Variants in NRG3 observed in about 807,000 individuals in gnomAD.
The protein encoded by NRG3 is pro-neuregulin-3, membrane-bound isoform.
A neutral mutation model predicts 66.9 loss-of-function variants in NRG3; 31 were observed. The ratio of observed to expected loss-of-function variants is 0.46; its 90% CI spans 0.35 to 0.63. NRG3 has a LOEUF of 0.63. Ranked by LOEUF, NRG3 falls within the 20% of genes least tolerant of loss-of-function variation. The pLI, the probability that NRG3 is intolerant of heterozygous loss-of-function variation, is 0.00. For synonymous variants in NRG3, 393 were observed against 359.4 expected, an observed-to-expected ratio of 1.09 and a Z score of -1.06; for missense variants, 910 against 878.9, an observed-to-expected ratio of 1.04 and a Z score of -0.45.
chr10:81,987,068 G>T (rs989331652), intron 1 of NRG3, among the ~76,000 whole-genome samples: 5 of 140,734 alleles, frequency 3.6e-5, no homozygotes, highest in African/African-American at 1.4e-4. Flanking sequence ...AGATGCCATA[G>T]TGTGTGTGTG....
chr10:82,478,075 A>G (rs897700207), intron 2 of NRG3, among the ~76,000 whole-genome samples: 4 of 152,178 alleles, frequency 2.6e-5, no homozygotes, highest in Non-Finnish European at 5.9e-5. Flanking sequence ...TAATAACATG[A>G]ATCCTAAAAT....
At chr10:82,489,865 A>G (rs1001832885) in intron 2 of NRG3, among the ~76,000 whole-genome samples, 4 of 152,176 alleles carry the variant, frequency 2.6e-5, no homozygotes, top group South Asian at 2.1e-4. Context: ...TACAGCTACT[A>G]AGCAAGATAC....
chr10:82,573,840 G>C (rs2790712), intron 2 of NRG3, among the ~76,000 whole-genome samples: 1 of 151,682 alleles, frequency 6.6e-6, no homozygotes, highest in Non-Finnish European at 1.5e-5. Context: ...GGAGAAACTG[G>C]AAGAGACCTC....
intron 2 of NRG3, among the ~76,000 whole-genome samples, chr10:82,656,502 A>C (rs2051876244): frequency 6.6e-6 from 1 of 152,142 alleles, no homozygotes; most frequent in South Asian, 2.1e-4. Flanking sequence ...GAAACTTTAT[A>C]GGGTCATTTT....
intron 1 of NRG3, among the ~76,000 whole-genome samples, chr10:81,926,009 C>T (rs1358056283): frequency 6.6e-6 from 1 of 151,968 alleles, no homozygotes; most frequent in Non-Finnish European, 1.5e-5. Flanking sequence ...AAAAATTGGC[C>T]GTGGCATAGA....
intron 1 of NRG3, among the ~76,000 whole-genome samples, chr10:82,019,430 A>G: frequency 6.6e-6 from 1 of 152,114 alleles, no homozygotes; most frequent in South Asian, 2.1e-4. Context: ...AGGCTTTGGT[A>G]TCAGGATGAT....
intron 2 of NRG3, among the ~76,000 whole-genome samples, chr10:82,362,169 A>G (rs1307816382): frequency 3.3e-5 from 5 of 149,666 alleles, no homozygotes; most frequent in Admixed American, 2.0e-4. Context: ...TTGTTTCTTC[A>G]TAATTTTCTT....
At chr10:82,174,659 G>GT (rs2072889419) in intron 1 of NRG3, among the ~76,000 whole-genome samples, 1 of 151,872 alleles carries the variant, frequency 6.6e-6, no homozygotes. Flanking sequence ...CAATATATCA[G>GT]TTCTCCCCAA....
intron 1 of NRG3, among the ~76,000 whole-genome samples, chr10:82,245,190 A>C (rs2077181063): frequency 6.6e-6 from 1 of 152,168 alleles, no homozygotes; most frequent in Admixed American, 6.6e-5. Flanking sequence ...AGGCAGTGAC[A>C]GATTATGAGG....
At chr10:82,347,350 G>T (rs1476580727) in intron 1 of NRG3, among the ~76,000 whole-genome samples, 3 of 151,976 alleles carry the variant, frequency 2.0e-5, no homozygotes, top group African/African-American at 7.3e-5. Flanking sequence ...GGAGCAGGTT[G>T]TTCAGTTTCC....
chr10:82,796,714 A>G (rs1206112224), intron 3 of NRG3, among the ~76,000 whole-genome samples: 1 of 152,188 alleles, frequency 6.6e-6, no homozygotes, highest in East Asian at 1.9e-4. Context: ...ATAATGCTAG[A>G]AAACTATCCT....
chr10:82,722,906 A>G (rs1183004471), intron 2 of NRG3, among the ~76,000 whole-genome samples: 1 of 152,176 alleles, frequency 6.6e-6, no homozygotes. Context: ...TGTGGAAAGC[A>G]GTTTGGAGAT....
chr10:82,116,760 T>C (rs748519438), intron 1 of NRG3, among the ~76,000 whole-genome samples: 1 of 152,138 alleles, frequency 6.6e-6, no homozygotes, highest in Non-Finnish European at 1.5e-5. Context: ...AACTTAGATT[T>C]GAAGAGAACC....
chr10:82,050,323 A>G (rs1045108814), intron 1 of NRG3, among the ~76,000 whole-genome samples: 1 of 151,936 alleles, frequency 6.6e-6, no homozygotes, highest in Non-Finnish European at 1.5e-5. Flanking sequence ...AAAACCTGCA[A>G]TTACTTTTGC....
At chr10:82,700,593 G>A (rs1009422300) in intron 2 of NRG3, among the ~76,000 whole-genome samples, 4 of 152,120 alleles carry the variant, frequency 2.6e-5, no homozygotes, top group African/African-American at 4.8e-5. Flanking sequence ...GGTGCCTTCT[G>A]ATTGTCTAAT....
chr10:82,907,634 A>G (rs1375145896), intron 4 of NRG3, among the ~76,000 whole-genome samples: 2 of 152,202 alleles, frequency 1.3e-5, no homozygotes, highest in East Asian at 3.8e-4. Context: ...AGTTGCTATT[A>G]AATAAGAAAT....
chr10:82,424,224 T>G (rs1298862048), intron 2 of NRG3, among the ~76,000 whole-genome samples: 1 of 151,996 alleles, frequency 6.6e-6, no homozygotes, highest in African/African-American at 2.4e-5. Flanking sequence ...CCAAACTGTT[T>G]TCTGTTTTGC....
At chr10:82,342,357 A>G (rs1227240091) in intron 1 of NRG3, among the ~76,000 whole-genome samples, 1 of 152,052 alleles carries the variant, frequency 6.6e-6, no homozygotes, top group East Asian at 1.9e-4. Context: ...TGTTTTCCAT[A>G]AAGGTTGTAG....
At chr10:82,736,836 A>G (rs906354671) in intron 2 of NRG3, among the ~76,000 whole-genome samples, 16 of 152,264 alleles carry the variant, frequency 1.1e-4, no homozygotes, top group African/African-American at 3.9e-4. Flanking sequence ...TAAGGATACA[A>G]AGAGTAAAGT....
Sources: gnomAD v4.1 joint callset for allele counts (sites outside exome capture counted in the v4.1 genomes callset) on GRCh38, gnomAD v4.1.1 for gene constraint, MANE v1.5 for transcripts, NCBI Gene and HGNC (gene_info 2026-07-23, HGNC 2026-07-21) for gene names.